GALNT2: variants seen among roughly 807,000 people sequenced by gnomAD.
GALNT2 encodes the protein UDP-GalNAc:polypeptide N-acetylgalactosaminyltransferase 2.
GALNT2 carries 31 observed loss-of-function variants against 81.4 expected under a neutral mutation model. That is an observed-to-expected ratio of 0.38 (90% CI 0.29 to 0.51). GALNT2 has a LOEUF of 0.51. GALNT2 is among the 20% of genes least tolerant of loss of function. The pLI, the probability that GALNT2 is intolerant of heterozygous loss-of-function variation, is 0.87. For synonymous variants in GALNT2, 303 were observed against 287.4 expected (o/e 1.05, Z -0.55); for missense variants, 629 against 765.7 (o/e 0.82, Z 2.11).
intron 1 of GALNT2, among the ~76,000 whole-genome samples, chr1:230,170,282 G>A (rs984865432): frequency 6.6e-6 from 1 of 152,174 alleles, no homozygotes. Context: ...TCTGCTACAT[G>A]GGGCACAAAA....
intron 1 of GALNT2, among the ~76,000 whole-genome samples, chr1:230,156,121 T>C (rs2352723): frequency 0.83 from 125,443 of 151,342 alleles, 52,112 homozygotes; most frequent in African/African-American, 0.88. Flanking sequence ...ACAAGTGGAA[T>C]ACCACGTAGA....
intron 1 of GALNT2, among the ~76,000 whole-genome samples, chr1:230,102,754 A>G (rs1488545878): frequency 6.6e-6 from 1 of 152,124 alleles, no homozygotes; most frequent in Non-Finnish European, 1.5e-5. Flanking sequence ...CTGTTTTTTC[A>G]TAGCCATTGA....
intron 1 of GALNT2, among the ~76,000 whole-genome samples, chr1:230,098,850 C>T (rs542403002): frequency 1.3e-5 from 2 of 152,262 alleles, no homozygotes; most frequent in Admixed American, 6.5e-5. Context: ...CAAGCACTGA[C>T]TGTATGCCAG....
rs1409585697 is a variant in GALNT2 at position 230,243,538 on chromosome 1, G to A, written c.729+111G>A. 10 of 1,359,522 alleles carry A rather than the reference G, an allele frequency of 7.4e-6. No homozygotes were observed. Among genetic ancestry groups the A allele is most frequent in the African/African-American group, 1.5e-5 (1 of 67,136 alleles). The allele number at this position is 1,359,522 out of a possible 1,614,324, so 84.2% of individuals were successfully genotyped here. On this transcript the variant is annotated intron_variant, in intron 7 of 15. Transcript: ENST00000366672. The surrounding 1 kb of genome is among the most constrained non-coding windows in gnomAD (Gnocchi z 4.2). Reference sequence around the variant, plus strand: ...ACGCAGGGAGTAGGGCGTCAGGGCTGGTAGGGGCTGAGCTCGCCGTCTGCA... The same window carrying A: ...ACGCAGGGAGTAGGGCGTCAGGGCTAGTAGGGGCTGAGCTCGCCGTCTGCA...
chr1:230,205,963 TC>T (rs1664046374), intron 3 of GALNT2, among the ~76,000 whole-genome samples: 1 of 152,178 alleles, frequency 6.6e-6, no homozygotes, highest in African/African-American at 2.4e-5. Flanking sequence ...CCAGAAAGCG[TC>T]CGTGTAGCTT....
At chr1:230,112,412 C>G (rs1051583072) in intron 1 of GALNT2, among the ~76,000 whole-genome samples, 1 of 151,114 alleles carries the variant, frequency 6.6e-6, no homozygotes, top group African/African-American at 2.4e-5. Context: ...AGAGTGTGTG[C>G]GTGGAGCATG....
intron 1 of GALNT2, among the ~76,000 whole-genome samples, chr1:230,148,880 C>T (rs921637616): frequency 6.6e-6 from 1 of 151,488 alleles, no homozygotes; most frequent in Non-Finnish European, 1.5e-5. Context: ...AGCCACCATA[C>T]CCAGCCCCAC....
At chr1:230,168,420 G>T (rs1662682319) in intron 1 of GALNT2, among the ~76,000 whole-genome samples, 2 of 152,154 alleles carry the variant, frequency 1.3e-5, no homozygotes, top group South Asian at 4.1e-4. Context: ...TGGTGGCGTG[G>T]AATAGATTCC....
upstream of GALNT2, among the ~76,000 whole-genome samples, chr1:230,062,242 TA>T (rs1659067050): frequency 6.6e-6 from 1 of 152,224 alleles, no homozygotes; most frequent in Admixed American, 6.5e-5. Flanking sequence ...CGCCATTTTT[TA>T]TAGGAGATTT....
chr1:230,163,280 C>T (rs763825286), intron 1 of GALNT2, among the ~76,000 whole-genome samples: 5 of 152,248 alleles, frequency 3.3e-5, no homozygotes, highest in East Asian at 1.9e-4. Flanking sequence ...CCATGGAGTG[C>T]GCACATCTTG....
rs1306756582 is a variant in GALNT2, at chr1:230,271,007, C to T, written c.1441-3438C>T. Among the ~76,000 whole-genome samples, 1 of 152,220 alleles carries T rather than the reference C, an allele frequency of 6.6e-6. No individual in the cohort carries two copies. Among genetic ancestry groups the T allele is most frequent in the Non-Finnish European group, 1.5e-5 (1 of 68,038 alleles). On this transcript the variant is annotated intron_variant, in intron 14 of 15. Transcript: ENST00000366672. The surrounding 1 kb of genome is among the most constrained non-coding windows in gnomAD (Gnocchi z 4.2). ...CAAGGAGGTTGTAAAAACATTCAGACATGATCTTTAACTGGGTGTCAGCAG... is the reference window on the plus strand; with the variant it reads ...CAAGGAGGTTGTAAAAACATTCAGATATGATCTTTAACTGGGTGTCAGCAG...
At chr1:230,148,573 GT>G (rs1313478223) in intron 1 of GALNT2, among the ~76,000 whole-genome samples, 1 of 152,054 alleles carries the variant, frequency 6.6e-6, no homozygotes, top group Non-Finnish European at 1.5e-5. Flanking sequence ...AAGGGGTTTT[GT>G]TTTCTTTTTT....
At chr1:230,104,465 A>G (rs543302517) in intron 1 of GALNT2, among the ~76,000 whole-genome samples, 4 of 152,258 alleles carry the variant, frequency 2.6e-5, no homozygotes, top group African/African-American at 7.2e-5. Flanking sequence ...AGCATCAGAA[A>G]TGGGAAGCTT....
Position 230,255,197 on chromosome 1 carries a change from G to A in GALNT2, c.1010-21G>A, listed in dbSNP as rs766986021. Reference sequence around the variant, plus strand: ...GCGTCCCAGGCTCTGTCAGTCACCTGTGTCTTGTTCATCGTCTCAGAGATC... The same window carrying A: ...GCGTCCCAGGCTCTGTCAGTCACCTATGTCTTGTTCATCGTCTCAGAGATC... On this transcript the variant is annotated intron_variant, in intron 10 of 15. Coordinates refer to ENST00000366672, the MANE Select transcript of GALNT2 (RefSeq NM_004481.5). 11 of 1,614,096 alleles carry A rather than the reference G, an allele frequency of 6.8e-6. No individual in the cohort carries two copies. In the South Asian group the frequency reaches 1.2e-4, roughly 18 times the overall value.
intron 1 of GALNT2, among the ~76,000 whole-genome samples, chr1:230,093,523 T>A (rs906874680): frequency 6.6e-6 from 1 of 152,224 alleles, no homozygotes; most frequent in African/African-American, 2.4e-5. Flanking sequence ...CTGGGCTTCC[T>A]GCTGCTTCAC....
chr1:230,173,396 G>T (rs1232281979), intron 1 of GALNT2, among the ~76,000 whole-genome samples: 1 of 152,196 alleles, frequency 6.6e-6, no homozygotes, highest in Non-Finnish European at 1.5e-5. Context: ...GAGCTGCTGA[G>T]CCCTCCCTTG....
chr1:230,229,709 C>A (rs1257112568), intron 3 of GALNT2, among the ~76,000 whole-genome samples: 1 of 152,168 alleles, frequency 6.6e-6, no homozygotes, highest in East Asian at 1.9e-4. Context: ...CAATGGAAAG[C>A]AGTGTAGCAG....
intron 1 of GALNT2, among the ~76,000 whole-genome samples, chr1:230,072,049 A>G (rs1659392335): frequency 1.3e-5 from 2 of 151,960 alleles, no homozygotes; most frequent in African/African-American, 2.4e-5. Flanking sequence ...TGAAGGTTTT[A>G]TGAGTCTTCA....
intron 2 of GALNT2, among the ~76,000 whole-genome samples, chr1:230,187,955 G>A (rs78515443): frequency 0.057 from 8,707 of 151,852 alleles, 478 homozygotes; most frequent in East Asian, 0.19. Context: ...AGGGTGGGGC[G>A]GGCCGGGGTG....
Sources: allele counts gnomAD v4.1 joint callset (sites outside exome capture counted in the v4.1 genomes callset), GRCh38; gene constraint gnomAD v4.1.1; non-coding constraint Gnocchi (gnomAD v3.1); transcripts MANE v1.5; gene names NCBI Gene and HGNC (gene_info 2026-07-23, HGNC 2026-07-21).